The following MTHFSD variants were observed in gnomAD, a reference collection of about 807,000 sequenced individuals.
MTHFSD encodes methenyltetrahydrofolate synthase domain-containing protein.
Under a neutral mutation model 31.1 loss-of-function variants are expected in MTHFSD, and 37 were observed. The ratio of observed to expected loss-of-function variants is 1.19; its 90% CI spans 0.91 to 1.56. The LOEUF (loss-of-function observed/expected upper bound fraction) is 1.56. MTHFSD is among the 40% of genes most tolerant of loss of function. MTHFSD has a pLI of 0.00. For missense variants in MTHFSD, 664 were observed against 510.1 expected (o/e 1.30, Z -2.91); for synonymous variants, 221 against 206.9 (o/e 1.07, Z -0.59).
chr16:86,551,878 T>C lies in MTHFSD; in HGVS notation c.237+155A>G, dbSNP rs1973196701. ...AGCTGAAGGGCTTCTGAACTATTCTTGGAAAAATCACCACCAAGGGCACTT... is the reference window on the plus strand; with the variant it reads ...AGCTGAAGGGCTTCTGAACTATTCTCGGAAAAATCACCACCAAGGGCACTT... On this transcript the variant is annotated intron_variant, in intron 3 of 7. Transcript: ENST00000360900. 5.0e-6 allele frequency: 7 copies of C among 1,404,828 alleles called. No individual in the cohort carries two copies. The Admixed American group carries it at 1.0e-4, about 21-fold the overall frequency. 87.0% of individuals were successfully genotyped at this position (1,404,828 alleles called of 1,614,324 possible). A position where few individuals can be genotyped will look rare whatever the true frequency, so the allele number is the denominator to read the frequency against.
rs1396701464 is a variant in MTHFSD, at chr16:86,538,403, C to G, written c.681+3294G>C. Among the ~76,000 whole-genome samples the G allele has an allele frequency of 2.6e-5, 4 of 152,188 alleles. No homozygotes were observed. The South Asian group carries it at 8.3e-4, about 32-fold the overall frequency. On this transcript the variant is annotated intron_variant, in intron 7 of 7. Coordinates refer to ENST00000360900, the MANE Select transcript of MTHFSD (RefSeq NM_001159377.2). ...TGTCCAGGTGCTCACTCGGGTCCAGCAGGTGACCACGGGTCTCAACAGGAA... is the reference window on the plus strand; with the variant it reads ...TGTCCAGGTGCTCACTCGGGTCCAGGAGGTGACCACGGGTCTCAACAGGAA...
chr16:86,534,906 G>A (rs549945189), intron 7 of MTHFSD, among the ~76,000 whole-genome samples: 7 of 152,260 alleles, frequency 4.6e-5, no homozygotes, highest in East Asian at 1.9e-4. Context: ...CGGGAGCTGC[G>A]CCAGCCCAGT....
rs1190087923 is a variant in MTHFSD, at chr16:86,547,396, G to A, written c.352-747C>T. On this transcript the variant is annotated intron_variant, in intron 4 of 7. Transcript: ENST00000360900. ...CAGCAGTAACTGATCATTCGATGTG[G>A]CGGTGGGATCTGCCTGCAGTGCTAT... 1.1e-5 allele frequency: 11 copies of A among 985,556 alleles called. No individual in the cohort carries two copies. The African/African-American group carries it at 1.2e-4, about 11-fold the overall frequency. 61.1% of individuals were successfully genotyped at this position (985,556 alleles called of 1,614,324 possible). A position where few individuals can be genotyped will look rare whatever the true frequency, so the allele number is the denominator to read the frequency against.
Position 86,530,666 on chromosome 16 carries a change from A to AG in MTHFSD, c.*1344_*1345insC, listed in dbSNP as rs1969917393. 1 of 152,204 alleles carries AG rather than the reference A, an allele frequency of 6.6e-6. No individual in the cohort carries two copies. Among genetic ancestry groups the AG allele is most frequent in the South Asian group, 2.1e-4 (1 of 4,830 alleles). The allele number at this position is 152,204 out of a possible 1,614,324, so 9.4% of individuals were successfully genotyped here. A position where few individuals can be genotyped will look rare whatever the true frequency, so the allele number is the denominator to read the frequency against. On this transcript the variant is annotated 3_prime_UTR_variant, in exon 8 of 8. Coordinates refer to ENST00000360900, the MANE Select transcript of MTHFSD (RefSeq NM_001159377.2). Reference sequence around the variant, plus strand: ...CAGAAAAAGAAGTATTTTTTAAAAAAAGAGAGAAAAGAAGGTGAGGAGTTC... The same window carrying AG: ...CAGAAAAAGAAGTATTTTTTAAAAAAGAGAGAGAAAAGAAGGTGAGGAGTTC...
At chr16:86,548,148 A>C (rs970957167) in intron 4 of MTHFSD, 2 of 1,297,822 alleles carry the variant, frequency 1.5e-6, no homozygotes, top group Non-Finnish European at 2.0e-6. Context: ...AAGCTCCACA[A>C]TACTGAACAT....
At chr16:86,534,713 T>G (rs929372227) in intron 7 of MTHFSD, among the ~76,000 whole-genome samples, 2 of 152,102 alleles carry the variant, frequency 1.3e-5, no homozygotes, top group Non-Finnish European at 2.9e-5. Context: ...ACAGAAAAAG[T>G]GTGGCTATGC....
Position 86,552,092 on chromosome 16 carries a change from G to C in MTHFSD, c.178C>G (p.Gln60Glu). ...TTATCAGGGTCCACTTTAACTTCCT[G>C]TGTTCTGGCAAAAACGTCTAGGTCT... ...IKDLDVFART[Q>E]EVKVDPDKPL... Residue 60 changes from glutamine to glutamate, a missense_variant, in exon 3 of 8, where the codon CAG becomes GAG. Transcript: ENST00000360900. 3 of 1,614,176 alleles carry C rather than the reference G, an allele frequency of 1.9e-6. No homozygotes were observed. The highest frequency in any genetic ancestry group is 1.7e-6 in the Non-Finnish European group (2 of 1,180,044).
At chr16:86,546,499 G>T in intron 5 of MTHFSD, 60 bp downstream of exon 5, 2 of 1,444,408 alleles carry the variant, frequency 1.4e-6, no homozygotes, top group Non-Finnish European at 1.9e-6. Context: ...AAACAGCCTG[G>T]CACGCAGCCG....
At chr16:86,550,658 G>C (rs1237986530) in intron 3 of MTHFSD, among the ~76,000 whole-genome samples, 1 of 152,242 alleles carries the variant, frequency 6.6e-6, no homozygotes, top group Non-Finnish European at 1.5e-5. Context: ...AAAACATTTA[G>C]ACAGAACTGC....
At chr16:86,555,034 C>G in intron 1 of MTHFSD, 135 bp downstream of exon 1, 1 of 1,460,908 alleles carries the variant, frequency 6.8e-7, no homozygotes, top group South Asian at 1.4e-5. Context: ...GCACAGACCC[C>G]CTCTGACCTC....
intron 3 of MTHFSD, chr16:86,551,823 C>T (rs1038628994): frequency 1.2e-5 from 10 of 862,812 alleles, no homozygotes; most frequent in East Asian, 2.8e-5. Flanking sequence ...TAGAAGCATT[C>T]GGGACTCCTG....
chr16:86,535,243 T>C (rs1970520677), intron 7 of MTHFSD: 1 of 985,462 alleles, frequency 1.0e-6, no homozygotes, highest in Non-Finnish European at 1.2e-6. Flanking sequence ...TGTGTTCCAC[T>C]GCAGGAAAAT....
chr16:86,554,166 C>T (rs978681919), intron 2 of MTHFSD, among the ~76,000 whole-genome samples: 1 of 152,172 alleles, frequency 6.6e-6, no homozygotes, highest in Non-Finnish European at 1.5e-5. Context: ...ATAAATCTTG[C>T]TGCTGCTCAT....
At chr16:86,552,189 A>G (rs1597382682) in intron 2 of MTHFSD, 43 bp from the exon 3 acceptor site, 1 of 1,614,070 alleles carries the variant, frequency 6.2e-7, no homozygotes, top group Non-Finnish European at 8.5e-7. Flanking sequence ...TTCAAGGACG[A>G]AGAAGCGAGC....
intron 7 of MTHFSD, among the ~76,000 whole-genome samples, chr16:86,537,936 C>A (rs995589977): frequency 6.6e-6 from 1 of 152,210 alleles, no homozygotes; most frequent in Non-Finnish European, 1.5e-5. Flanking sequence ...CTATGGTGTC[C>A]TCGCCAACCC....
rs1444725035 is a variant in MTHFSD, at chr16:86,555,181, C to A, written c.4G>T (p.Glu2Ter). Residue 2 changes from glutamate to a stop codon, truncating the protein, a stop_gained, in exon 1 of 8, where the codon GAG (glutamate) becomes TAG (stop). Coordinates refer to ENST00000360900, the MANE Select transcript of MTHFSD (RefSeq NM_001159377.2). LOFTEE classifies it high-confidence loss of function. M[E>*]PRAVGVSKQD... Reference sequence around the variant, plus strand: ...CCAGGCCCCCCACCTGCCCTCGGCTCCATGGTGATGCAGTCGCTGTGCGAC... The same window carrying A: ...CCAGGCCCCCCACCTGCCCTCGGCTACATGGTGATGCAGTCGCTGTGCGAC... 2 of 1,537,316 alleles carry A rather than the reference C, an allele frequency of 1.3e-6. No individual in the cohort carries two copies. Among genetic ancestry groups the A allele is most frequent in the Admixed American group, 3.9e-5 (2 of 51,076 alleles).
rs758026485 is a variant in MTHFSD at position 86,531,665 on chromosome 16, C to T, written c.*346G>A. 2 of 194,756 alleles carry T rather than the reference C, an allele frequency of 1.0e-5. No individual in the cohort carries two copies. The highest frequency in any genetic ancestry group is 2.1e-5 in the Non-Finnish European group (2 of 96,442). 12.1% of individuals were successfully genotyped at this position (194,756 alleles called of 1,614,324 possible). A position where few individuals can be genotyped will look rare whatever the true frequency, so the allele number is the denominator to read the frequency against. On this transcript the variant is annotated 3_prime_UTR_variant, in exon 8 of 8. Coordinates refer to ENST00000360900, the MANE Select transcript of MTHFSD (RefSeq NM_001159377.2). This position sits in a 1 kb window ranked among gnomAD's most constrained non-coding sequence, Gnocchi z 5.5. ...CTGTTCAGCCCACCCCTGGCAAACT[C>T]GAGATCACCTTCACATCACCCTCCC...
chr16:86,553,206 G>C (rs531176758), intron 2 of MTHFSD: 2 of 152,224 alleles, frequency 1.3e-5, no homozygotes, highest in African/African-American at 4.8e-5. Context: ...ACATGCTTCC[G>C]GCCAGGATAA....
intron 2 of MTHFSD, 62 bp from the exon 3 acceptor site, chr16:86,552,208 G>C: frequency 1.2e-6 from 2 of 1,613,780 alleles, no homozygotes; most frequent in Non-Finnish European, 1.7e-6. Context: ...GCACTTTTCT[G>C]GGGGGCATCA....
Sources: gnomAD v4.1 joint callset for allele counts (sites outside exome capture counted in the v4.1 genomes callset) on GRCh38, gnomAD v4.1.1 for gene constraint, Gnocchi (gnomAD v3.1) non-coding constraint, MANE v1.5 for transcripts, NCBI Gene and HGNC (gene_info 2026-07-23, HGNC 2026-07-21) for gene names.